DNAH1: variants seen among roughly 807,000 people sequenced by gnomAD.
DNAH1 encodes dynein axonemal heavy chain 1, also known as axonemal beta dynein heavy chain 1.
A neutral mutation model predicts 484.3 loss-of-function variants in DNAH1; 327 were observed. That is an observed-to-expected ratio of 0.68 (90% CI 0.62 to 0.74). DNAH1 has a LOEUF of 0.74. Ranked by LOEUF, DNAH1 falls within the 30% of genes least tolerant of loss-of-function variation. The pLI is 0.00. For missense variants in DNAH1, 5,052 were observed against 5,546.8 expected (o/e 0.91, Z 2.83); for synonymous variants, 2,192 against 2,191.9 (o/e 1.00, Z 0.00).
chr3:52,400,265 C>A, intron 77 of DNAH1, 60 bp from the exon 78 acceptor site: 1 of 1,603,798 alleles, frequency 6.2e-7, no homozygotes, highest in Non-Finnish European at 8.5e-7. Flanking sequence ...TGCCCCTACG[C>A]TATCCCTGCT....
At chr3:52,366,020 G>C (rs1416818613) in intron 34 of DNAH1, among the ~76,000 whole-genome samples, 2 of 152,208 alleles carry the variant, frequency 1.3e-5, no homozygotes, top group East Asian at 3.8e-4. Context: ...ACCCCTGTGG[G>C]CCTGGCTTCT....
At chr3:52,350,227 G>A in intron 15 of DNAH1, 119 bp downstream of exon 15, 6 of 1,398,920 alleles carry the variant, frequency 4.3e-6, no homozygotes, top group Non-Finnish European at 5.8e-6. Flanking sequence ...TAAGGTAGTT[G>A]GACAGAGGAC....
At chr3:52,325,199 GGACACTGCC>G (rs1701292808) in intron 3 of DNAH1, among the ~76,000 whole-genome samples, 1 of 152,182 alleles carries the variant, frequency 6.6e-6, no homozygotes, top group Non-Finnish European at 1.5e-5. Flanking sequence ...GCTGAGCCTT[GGACACTGCC>G]CAGGCACCAC....
In DNAH1 at chr3:52,368,050, G is replaced by A. The variant is rs1703159124; in HGVS notation, c.5766-691G>A. On this transcript the variant is annotated intron_variant, in intron 36 of 77. Transcript: ENST00000420323. This position sits in a 1 kb window ranked among gnomAD's most constrained non-coding sequence, Gnocchi z 4.4. ...TGAGCATCAGTGGGTGGAAAATCCA[G>A]AGGAAACATCAGTGGTGAGGGGGAT... Among the ~76,000 whole-genome samples, 1 of 152,182 alleles carries A rather than the reference G, an allele frequency of 6.6e-6. No homozygotes were observed. The highest frequency in any genetic ancestry group is 2.4e-5 in the African/African-American group (1 of 41,426).
At chr3:52,391,674 C>T (rs1704393957) in intron 63 of DNAH1, 71 bp downstream of exon 63, 4 of 1,577,650 alleles carry the variant, frequency 2.5e-6, no homozygotes, top group Admixed American at 1.7e-5. Context: ...CCTCTCCCAC[C>T]CCCAGGCCGG....
chr3:52,346,950 T>C (rs1702169780), intron 11 of DNAH1, among the ~76,000 whole-genome samples, 180 bp downstream of exon 11: 1 of 152,246 alleles, frequency 6.6e-6, no homozygotes, highest in Non-Finnish European at 1.5e-5. Flanking sequence ...CTTGCATTGC[T>C]TCTGGTGACC....
intron 8 of DNAH1, among the ~76,000 whole-genome samples, chr3:52,339,683 TATTC>T (rs1032955894): frequency 6.6e-6 from 1 of 152,154 alleles, no homozygotes; most frequent in African/African-American, 2.4e-5. Flanking sequence ...GGTGTTCACC[TATTC>T]ATTTCAGGAT....
At chr3:52,366,286 G>C (rs955078736) in intron 34 of DNAH1, among the ~76,000 whole-genome samples, 171 bp from the exon 35 acceptor site, 2 of 152,170 alleles carry the variant, frequency 1.3e-5, no homozygotes, top group African/African-American at 4.8e-5. Context: ...CTGTGCTTAG[G>C]GCTTCACCTG....
At chr3:52,387,580 A>G (rs1029191027) in intron 56 of DNAH1, among the ~76,000 whole-genome samples, 1 of 152,192 alleles carries the variant, frequency 6.6e-6, no homozygotes, top group African/African-American at 2.4e-5. Flanking sequence ...TCCATCAGAC[A>G]GGAAACTAGA....
intron 14 of DNAH1, 41 bp downstream of exon 14, chr3:52,349,461 C>A: frequency 6.4e-7 from 1 of 1,564,296 alleles, no homozygotes; most frequent in Non-Finnish European, 8.8e-7. Flanking sequence ...CACAGCAGCA[C>A]ACACCACAGC....
rs1465993671 is a variant in DNAH1 at position 52,385,544 on chromosome 3, G to A, written c.8625+97G>A. On this transcript the variant is annotated intron_variant, in intron 54 of 77. Transcript: ENST00000420323. ...CTCGCTAGCTGCCTGGCCACTGCAA[G>A]TCATCTGGCCTCCGTGTGCCCCAGC... 5 of 966,248 alleles carry A rather than the reference G, an allele frequency of 5.2e-6. No individual in the cohort carries two copies. The East Asian group carries it at 7.9e-5, about 15-fold the overall frequency. 59.9% of individuals were successfully genotyped at this position (966,248 alleles called of 1,614,324 possible).
At chr3:52,380,196 G>T in intron 48 of DNAH1, 61 bp downstream of exon 48, 1 of 1,446,800 alleles carries the variant, frequency 6.9e-7, no homozygotes. Context: ...GCCTCCCTGG[G>T]GCCCAGGCCC....
chr3:52,341,756 G>A (rs116196616), intron 8 of DNAH1, among the ~76,000 whole-genome samples: 1 of 152,204 alleles, frequency 6.6e-6, no homozygotes, highest in East Asian at 1.9e-4. Flanking sequence ...AGCTGGGGCT[G>A]TAGTCATCTT....
chr3:52,325,044 C>T (rs1009950449), intron 3 of DNAH1, among the ~76,000 whole-genome samples: 7 of 152,138 alleles, frequency 4.6e-5, no homozygotes, highest in African/African-American at 1.2e-4. Flanking sequence ...AGTGGTGTCA[C>T]GCAGCCTCAA....
chr3:52,331,031 G>C (rs1701524045), intron 6 of DNAH1, 117 bp from the exon 7 acceptor site: 2 of 1,295,286 alleles, frequency 1.5e-6, no homozygotes, highest in South Asian at 3.1e-5. Flanking sequence ...ATCCCAGCGG[G>C]AGAGACGCCA....
Position 52,396,798 on chromosome 3 carries a change from G to A in DNAH1, c.11610+1G>A. 1 of 1,613,308 alleles carries A rather than the reference G, an allele frequency of 6.2e-7. No individual in the cohort carries two copies. The highest frequency in any genetic ancestry group is 8.5e-7 in the Non-Finnish European group (1 of 1,179,646). ...CGAATATGATGACATCCCCTACAAG[G>A]TGGGCCTGGGGCAGACTGGGGCCTG... On this transcript the variant is annotated splice_donor_variant, in intron 72 of 77. Transcript: ENST00000420323. LOFTEE classifies it high-confidence loss of function.
At position 52,379,856 on chromosome 3, in the gene DNAH1, C is replaced by T; in HGVS notation, c.7378-49C>T. The T allele has an allele frequency of 6.7e-7, 1 of 1,503,510 alleles. No individual in the cohort carries two copies. The highest frequency in any genetic ancestry group is 9.0e-7 in the Non-Finnish European group (1 of 1,111,500). The allele number at this position is 1,503,510 out of a possible 1,614,324, so 93.1% of individuals were successfully genotyped here. The stretch of plus-strand genomic sequence containing the variant: ...CCTTGCCTGGTGGTTTGAGAGATAG[C>T]TGAGGGCTTGGGGGCCAAGGACAGG... On this transcript the variant is annotated intron_variant, in intron 47 of 77. Coordinates refer to ENST00000420323, the MANE Select transcript of DNAH1 (RefSeq NM_015512.5). The surrounding 1 kb of genome is among the most constrained non-coding windows in gnomAD (Gnocchi z 4.4).
chr3:52,339,418 G>A (rs989954801), intron 8 of DNAH1, among the ~76,000 whole-genome samples: 1 of 151,912 alleles, frequency 6.6e-6, no homozygotes, highest in Non-Finnish European at 1.5e-5. Context: ...GCTTAATTAA[G>A]TCTCTTTTCT....
Position 52,388,059 on chromosome 3 carries a change from C to T in DNAH1, c.9004-108C>T, listed in dbSNP as rs952570259. 7 of 1,394,228 alleles carry T rather than the reference C, an allele frequency of 5.0e-6. No homozygotes were observed. The Admixed American group carries it at 8.5e-5, about 17-fold the overall frequency. The allele number at this position is 1,394,228 out of a possible 1,614,324, so 86.4% of individuals were successfully genotyped here. ...GAAAGAATCTGTACTGAGGCCTGCA[C>T]AGGGCATAAAAGCCAGGGTGTCCCT... On this transcript the variant is annotated intron_variant, in intron 56 of 77. Coordinates refer to ENST00000420323, the MANE Select transcript of DNAH1 (RefSeq NM_015512.5).
Sources: gnomAD v4.1 joint callset for allele counts (sites outside exome capture counted in the v4.1 genomes callset) on GRCh38, gnomAD v4.1.1 for gene constraint, Gnocchi (gnomAD v3.1) non-coding constraint, MANE v1.5 for transcripts, NCBI Gene and HGNC (gene_info 2026-07-23, HGNC 2026-07-21) for gene names.